Variants in TRIM68 observed in about 807,000 individuals in gnomAD.
TRIM68 encodes E3 ubiquitin-protein ligase TRIM68.
Under a neutral mutation model 41.9 loss-of-function variants are expected in TRIM68, and 36 were observed. The ratio of observed to expected loss-of-function variants is 0.86; its 90% confidence interval spans 0.66 to 1.14. TRIM68 has a LOEUF of 1.14. Ranked by LOEUF, TRIM68 falls within the 50% of genes most tolerant of loss-of-function variation. The probability of loss-of-function intolerance (pLI) is 0.00; values close to 1 mark genes in which losing one functional copy is unlikely to be tolerated. For missense variants in TRIM68, 632 were observed against 605.1 expected (o/e 1.04, Z -0.47); for synonymous variants, 225 against 224.6 (o/e 1.00, Z -0.02).
chr11:4,600,232 G>T lies in TRIM68; in HGVS notation c.*44C>A. 1 of 1,518,996 alleles carries T rather than the reference G, an allele frequency of 6.6e-7. No individual in the cohort carries two copies. Among genetic ancestry groups the T allele is most frequent in the Non-Finnish European group, 8.8e-7 (1 of 1,134,612 alleles). 94.1% of individuals were successfully genotyped at this position (1,518,996 alleles called of 1,614,324 possible). A position where few individuals can be genotyped will look rare whatever the true frequency, so the allele number is the denominator to read the frequency against. On this transcript the variant is annotated 3_prime_UTR_variant, in exon 7 of 7. Transcript: ENST00000300747. ...GCTCGGTCCTCCAAGCCCCATGGGG[G>T]CCAGGCCCAATTCCAAGCCTCTCTG...
chr11:4,604,777 C>T (rs894988163), intron 2 of TRIM68, among the ~76,000 whole-genome samples: 2 of 152,194 alleles, frequency 1.3e-5, no homozygotes, highest in African/African-American at 4.8e-5. Context: ...TCCAAGGCAT[C>T]CAGAATCTCA....
At chr11:4,602,577 C>T (rs1258746016) in intron 3 of TRIM68, among the ~76,000 whole-genome samples, 165 bp from the exon 4 acceptor site, 1 of 152,212 alleles carries the variant, frequency 6.6e-6, no homozygotes, top group Non-Finnish European at 1.5e-5. Context: ...GTTCTCCCAG[C>T]TCCACCACAT....
Position 4,602,362 on chromosome 11 carries a change from G to C in TRIM68, c.573C>G (p.Tyr191Ter), listed in dbSNP as rs368579509. The C allele has an allele frequency of 5.6e-5, 91 of 1,613,944 alleles. No homozygotes were observed. The highest frequency in any genetic ancestry group is 7.2e-5 in the Non-Finnish European group (85 of 1,180,032). ...GCTGCTTTTTCTCTAGTAATCGCTG[G>C]TATTTTTCAAACTCCCATACAATAC... is the stretch of plus-strand genomic sequence containing the variant. ...KQSIVWEFEK[Y>*]QRLLEKKQPP... is the part of the protein sequence containing the mutation. The change falls in exon 4 of 7, where the codon TAC (tyrosine) becomes TAG (stop). Residue 191 changes from tyrosine (Y) to a stop codon, truncating the protein, a stop_gained. Coordinates refer to ENST00000300747, the MANE Select transcript of TRIM68 (RefSeq NM_018073.8). LOFTEE classifies it high-confidence loss of function.
At position 4,600,235 on chromosome 11, in the gene TRIM68, A is replaced by C. The variant is rs758551169; in HGVS notation, c.*41T>G. ...CGGTCCTCCAAGCCCCATGGGGGCC[A>C]GGCCCAATTCCAAGCCTCTCTGGTT... is the stretch of plus-strand genomic sequence containing the variant. On this transcript the variant is annotated 3_prime_UTR_variant, in exon 7 of 7. Coordinates refer to ENST00000300747, the MANE Select transcript of TRIM68 (RefSeq NM_018073.8). 6.6e-7 allele frequency: 1 copy of C among 1,520,100 alleles called. No individual in the cohort carries two copies. The highest frequency in any genetic ancestry group is 8.8e-7 in the Non-Finnish European group (1 of 1,135,302). The allele number at this position is 1,520,100 out of a possible 1,614,324, so 94.2% of individuals were successfully genotyped here.
Position 4,599,795 on chromosome 11 carries a change from G to C in TRIM68, c.*481C>G, listed in dbSNP as rs1386353375. 4.6e-5 allele frequency: 7 copies of C among 153,430 alleles called. No homozygotes were observed. Among genetic ancestry groups the C allele is most frequent in the African/African-American group, 1.7e-4 (7 of 41,488 alleles). 9.5% of individuals were successfully genotyped at this position (153,430 alleles called of 1,614,324 possible). Reference sequence around the variant, plus strand: ...GTTGCTTAGTTATAGCAAACCTCAGGGGAAGCATCCTCTGACTGGCCTCAG... The same window carrying C: ...GTTGCTTAGTTATAGCAAACCTCAGCGGAAGCATCCTCTGACTGGCCTCAG... On this transcript the variant is annotated 3_prime_UTR_variant, in exon 7 of 7. Transcript: ENST00000300747.
intron 2 of TRIM68, 150 bp downstream of exon 2, chr11:4,604,929 A>T (rs1308587080): frequency 2.5e-6 from 2 of 794,458 alleles, no homozygotes; most frequent in Non-Finnish European, 3.9e-6. Flanking sequence ...GGAAAGGTAT[A>T]GCTCTCTGTA....
Position 4,602,389 on chromosome 11 carries a change from C to CT in TRIM68, c.545dup (p.Ser183GlufsTer7). 1 of 1,613,836 alleles carries CT rather than the reference C, an allele frequency of 6.2e-7. No individual in the cohort carries two copies. The highest frequency in any genetic ancestry group is 8.5e-7 in the Non-Finnish European group (1 of 1,180,018). ...ATTTTTCAAACTCCCATACAATACT[C>CT]TGTTTTCGGGTTTCCACCTGTATCT... On this transcript the variant is annotated frameshift_variant, in exon 4 of 7. Transcript: ENST00000300747. LOFTEE classifies it high-confidence loss of function.
At position 4,605,074 on chromosome 11, in the gene TRIM68, C is replaced by G. The variant is rs1243086877; in HGVS notation, c.426+5G>C. 1.2e-6 allele frequency: 2 copies of G among 1,612,558 alleles called. No individual in the cohort carries two copies. The highest frequency in any genetic ancestry group is 1.7e-6 in the Non-Finnish European group (2 of 1,178,782). ...AGACTGGAGTGGCCAGCTTCCATCT[C>G]TCACCTTGTACTCCCAGGCAACATC... On this transcript the variant is annotated splice_donor_5th_base_variant and intron_variant, in intron 2 of 6. Coordinates refer to ENST00000300747, the MANE Select transcript of TRIM68 (RefSeq NM_018073.8).
rs545712195 is a variant in TRIM68 at position 4,599,019 on chromosome 11, C to T, written c.*1257G>A. 2 of 152,284 alleles carry T rather than the reference C, an allele frequency of 1.3e-5. No homozygotes were observed. Among genetic ancestry groups the T allele is most frequent in the East Asian group, 1.9e-4 (1 of 5,178 alleles). 9.4% of individuals were successfully genotyped at this position (152,284 alleles called of 1,614,324 possible). On this transcript the variant is annotated 3_prime_UTR_variant, in exon 7 of 7. Coordinates refer to ENST00000300747, the MANE Select transcript of TRIM68 (RefSeq NM_018073.8). ...TCATATGAGGTTTTATGCTGAATTA[C>T]ACCCATTTTCCCAATGAGGACACAT...
At chr11:4,603,643 T>C (rs183628287) in intron 2 of TRIM68, among the ~76,000 whole-genome samples, 49 of 152,330 alleles carry the variant, frequency 3.2e-4, no homozygotes, top group African/African-American at 1.1e-3. Context: ...CCTTATCTTA[T>C]TTATTTTTAT....
Position 4,605,128 on chromosome 11 carries a change from T to A in TRIM68, c.377A>T (p.His126Leu), listed in dbSNP as rs374451614. ...MCEACSQSPE[H>L]EAHSVVPMED... The stretch of plus-strand genomic sequence containing the variant: ...CATTGGCACAACACTGTGGGCCTCA[T>A]GCTCTGGGGACTGGCTGCAGGCCTC... The change falls in exon 2 of 7, where the codon CAT (histidine) becomes CTT (leucine). Residue 126 changes from histidine (H) to leucine (L), a missense_variant. Physicochemically the swap from His to Leu is moderately conservative, Grantham distance 99 (BLOSUM62 -3). Coordinates refer to ENST00000300747, the MANE Select transcript of TRIM68 (RefSeq NM_018073.8). The A allele has an allele frequency of 1.0e-4, 162 of 1,614,108 alleles. No individual in the cohort carries two copies. The highest frequency in any genetic ancestry group is 1.7e-5 in the Non-Finnish European group (20 of 1,180,036).
intron 1 of TRIM68, among the ~76,000 whole-genome samples, chr11:4,607,482 T>G (rs1846586266): frequency 6.6e-6 from 1 of 152,220 alleles, no homozygotes; most frequent in African/African-American, 2.4e-5. Flanking sequence ...ACCCATTATT[T>G]AAAGCTACAA....
chr11:4,601,412 C>T (rs550335819), intron 5 of TRIM68: 2 of 592,846 alleles, frequency 3.4e-6, no homozygotes, highest in Non-Finnish European at 6.0e-6. Context: ...AGTCTTTTAT[C>T]CTCTTTGAGC....
chr11:4,602,040 C>G, intron 4 of TRIM68, 112 bp downstream of exon 4: 1 of 1,480,090 alleles, frequency 6.8e-7, no homozygotes, highest in Non-Finnish European at 9.2e-7. Context: ...GGATCCATGA[C>G]CAGCTGGCAG....
intron 3 of TRIM68, 81 bp downstream of exon 3, chr11:4,603,164 T>G (rs7943486): frequency 8.0e-7 from 1 of 1,256,062 alleles, no homozygotes; most frequent in Non-Finnish European, 1.2e-6. Context: ...TGCCTCACAG[T>G]GATGAGAATG....
intron 3 of TRIM68, 98 bp from the exon 4 acceptor site, chr11:4,602,510 C>T (rs996132837): frequency 3.4e-6 from 5 of 1,479,220 alleles, no homozygotes; most frequent in African/African-American, 1.4e-5. Context: ...ATGGTACCAA[C>T]CACGTGACAG....
rs1193796813 is a variant in TRIM68 at position 4,605,374 on chromosome 11, CAG to C, written c.129_130del (p.Trp44GlyfsTer28). On this transcript the variant is annotated frameshift_variant, in exon 2 of 7. Transcript: ENST00000300747. LOFTEE classifies it high-confidence loss of function. Reference sequence around the variant, plus strand: ...GTTCTGGGATTCTCCTGGGATCTCCCAGAGTCCAGAGAGACAGCTGTGGCAGA... The same window carrying C: ...GTTCTGGGATTCTCCTGGGATCTCCCAGTCCAGAGAGACAGCTGTGGCAGA... The C allele has an allele frequency of 6.2e-7, 1 of 1,614,172 alleles. No individual in the cohort carries two copies. The highest frequency in any genetic ancestry group is 8.5e-7 in the Non-Finnish European group (1 of 1,180,034).
rs1260699752 is a variant in TRIM68 at position 4,599,750 on chromosome 11, A to C, written c.*526T>G. The C allele has an allele frequency of 6.6e-6, 1 of 152,594 alleles. No individual in the cohort carries two copies. The highest frequency in any genetic ancestry group is 2.4e-5 in the African/African-American group (1 of 41,458). The allele number at this position is 152,594 out of a possible 1,614,324, so 9.5% of individuals were successfully genotyped here. A position where few individuals can be genotyped will look rare whatever the true frequency, so the allele number is the denominator to read the frequency against. On this transcript the variant is annotated 3_prime_UTR_variant, in exon 7 of 7. Transcript: ENST00000300747. ...TGAATTTCTCTTGCCAGGAGGTCAG[A>C]AGGTGAGAGTCACATAAAGGTTGCT...
Position 4,602,241 on chromosome 11 carries a change from T to G in TRIM68, c.694A>C (p.Ser232Arg). 6.2e-7 allele frequency: 1 copy of G among 1,614,168 alleles called. No individual in the cohort carries two copies. Among genetic ancestry groups the G allele is most frequent in the Non-Finnish European group, 8.5e-7 (1 of 1,180,030 alleles). ...ACCTGGCTCTGCTGGATGAGCTCGC[T>G]ATGGTTCAACTCCAGTTTCTGCATG... is the stretch of plus-strand genomic sequence containing the variant. The part of the protein sequence containing the change: ...ETMQKLELNH[S>R]ELIQQSQVLW... The change falls in exon 4 of 7, where the codon AGC (serine) becomes CGC (arginine). Residue 232 changes from serine (S) to arginine (R), a missense_variant. Transcript: ENST00000300747.
Sources: gnomAD v4.1 joint callset for allele counts (sites outside exome capture counted in the v4.1 genomes callset) on GRCh38, gnomAD v4.1.1 for gene constraint, MANE v1.5 for transcripts, NCBI Gene and HGNC (gene_info 2026-07-23, HGNC 2026-07-21) for gene names.